Variants in TMCC3 observed in about 807,000 individuals in gnomAD.
TMCC3 encodes the protein transmembrane and coiled-coil domain family 3.
TMCC3 carries 28 observed loss-of-function variants against 40.2 expected under a neutral mutation model. That is an observed-to-expected ratio of 0.70 (90% CI 0.52 to 0.95). TMCC3 has a LOEUF of 0.95. TMCC3 is among the 40% of genes least tolerant of loss of function. The pLI is 0.00. For synonymous variants in TMCC3, 255 were observed against 248.5 expected (o/e 1.03, Z -0.25); for missense variants, 554 against 615.2 (o/e 0.90, Z 1.05).
chr12:94,643,711 T>G (rs1410534823), intron 1 of TMCC3, among the ~76,000 whole-genome samples: 1 of 152,198 alleles, frequency 6.6e-6, no homozygotes, highest in African/African-American at 2.4e-5. Context: ...AGCACACAAT[T>G]AGGGTAAGTG....
At chr12:94,612,098 A>G (rs545392988) in intron 1 of TMCC3, among the ~76,000 whole-genome samples, 3 of 152,096 alleles carry the variant, frequency 2.0e-5, no homozygotes, top group Non-Finnish European at 2.9e-5. Flanking sequence ...TCCTGGGCTC[A>G]ACTGATCCCC....
At chr12:94,590,830 G>A (rs1055564337) in intron 1 of TMCC3, 39 of 514,872 alleles carry the variant, frequency 7.6e-5, no homozygotes, top group East Asian at 2.4e-4. Context: ...CATGGGGGAC[G>A]ATGTGCACCC....
chr12:94,639,254 T>C (rs1368486352), intron 1 of TMCC3, among the ~76,000 whole-genome samples: 1 of 152,194 alleles, frequency 6.6e-6, no homozygotes, highest in East Asian at 1.9e-4. Flanking sequence ...TGGGCTTCTG[T>C]TCATCCCAGT....
intron 1 of TMCC3, among the ~76,000 whole-genome samples, chr12:94,630,784 A>G (rs1359552268): frequency 6.6e-6 from 1 of 152,190 alleles, no homozygotes; most frequent in Admixed American, 6.5e-5. Flanking sequence ...GCTGGAGTGC[A>G]GTGGCACCAA....
chr12:94,582,331 AC>A lies in TMCC3; in HGVS notation c.285del (p.Glu95AspfsTer3), dbSNP rs1353775046. 6.2e-7 allele frequency: 1 copy of A among 1,613,650 alleles called. No homozygotes were observed. Among genetic ancestry groups the A allele is most frequent in the Non-Finnish European group, 8.5e-7 (1 of 1,179,980 alleles). ...TCTGCGTTGTTCACTAGTTTCAGAT[AC>A]TCCGCAACATTCCCATCGCGCGATG... The part of the protein sequence containing the change: ...EQTSRDGNVA[E>X]YLKLVNNADK... On this transcript the variant is annotated frameshift_variant, in exon 2 of 4. Transcript: ENST00000261226. LOFTEE classifies it high-confidence loss of function.
chr12:94,571,288 A>T lies in TMCC3; in HGVS notation c.*147T>A. 1 of 805,302 alleles carries T rather than the reference A, an allele frequency of 1.2e-6. No homozygotes were observed. The highest frequency in any genetic ancestry group is 1.9e-6 in the Non-Finnish European group (1 of 519,222). 49.9% of individuals were successfully genotyped at this position (805,302 alleles called of 1,614,324 possible). On this transcript the variant is annotated 3_prime_UTR_variant, in exon 4 of 4. Transcript: ENST00000261226. Reference sequence around the variant, plus strand: ...CTGAGTTGGCAACTGCTACGGAGTTAAGAGAATTGTAGTTATTTACACCAC... The same window carrying T: ...CTGAGTTGGCAACTGCTACGGAGTTTAGAGAATTGTAGTTATTTACACCAC...
chr12:94,628,147 C>T (rs2068913509), intron 1 of TMCC3, among the ~76,000 whole-genome samples: 1 of 152,210 alleles, frequency 6.6e-6, no homozygotes. Flanking sequence ...AATTCAGTGC[C>T]ATGAAAGGTG....
chr12:94,647,927 T>A (rs917006855), intron 1 of TMCC3, among the ~76,000 whole-genome samples: 1 of 152,250 alleles, frequency 6.6e-6, no homozygotes, highest in Non-Finnish European at 1.5e-5. Context: ...GTTCTACCTA[T>A]TCCTCGCTGT....
intron 1 of TMCC3, among the ~76,000 whole-genome samples, chr12:94,606,800 T>C (rs2068786304): frequency 6.6e-6 from 1 of 152,040 alleles, no homozygotes; most frequent in African/African-American, 2.4e-5. Context: ...ATCACATGCT[T>C]CAAAGGGCAA....
In TMCC3 at chr12:94,582,447, C is replaced by G. The variant is rs758229427; in HGVS notation, c.170G>C (p.Gly57Ala). The stretch of plus-strand genomic sequence containing the variant: ...TTTGACCTTGTGGAAGTCCAGGATG[C>G]CATCCGGGACATCAAAGTTGAGGTT... Reference protein sequence around the residue: ...DTNLNFDVPDGILDFHKVKLT... With the variant: ...DTNLNFDVPDAILDFHKVKLT... Residue 57 changes from glycine (G) to alanine (A), a missense_variant, in exon 2 of 4, where the codon GGC becomes GCC. By Grantham distance (60) the Gly-to-Ala change is moderately conservative (BLOSUM62 0). Transcript: ENST00000261226. 5 of 1,613,808 alleles carry G rather than the reference C, an allele frequency of 3.1e-6. No individual in the cohort carries two copies. In the Admixed American group the frequency reaches 5.0e-5, roughly 16 times the overall value.
chr12:94,620,291 T>A (rs536657721), intron 1 of TMCC3, among the ~76,000 whole-genome samples: 52 of 145,288 alleles, frequency 3.6e-4, no homozygotes, highest in Non-Finnish European at 6.1e-4. Flanking sequence ...TTTTAATAAT[T>A]ATTATTTTTT....
intron 1 of TMCC3, among the ~76,000 whole-genome samples, chr12:94,595,873 A>G (rs1594278218): frequency 6.7e-6 from 1 of 149,244 alleles, no homozygotes; most frequent in Admixed American, 6.7e-5. Context: ...GAAAAAAAAA[A>G]TGTCCATGAA....
At chr12:94,626,550 C>T (rs1228179354) in intron 1 of TMCC3, among the ~76,000 whole-genome samples, 13 of 152,194 alleles carry the variant, frequency 8.5e-5, no homozygotes, top group African/African-American at 3.1e-4. Context: ...AAATATTATA[C>T]CAATATCAAT....
intron 1 of TMCC3, among the ~76,000 whole-genome samples, chr12:94,629,338 G>A (rs1594295150): frequency 1.3e-5 from 2 of 152,170 alleles, no homozygotes; most frequent in African/African-American, 4.8e-5. Flanking sequence ...GTCTCTCAGG[G>A]TGGACTCTGG....
At chr12:94,631,223 C>T (rs1043652329) in intron 1 of TMCC3, among the ~76,000 whole-genome samples, 2 of 152,122 alleles carry the variant, frequency 1.3e-5, no homozygotes, top group South Asian at 4.1e-4. Context: ...GAACCTCTCC[C>T]TAGAAATATG....
intron 1 of TMCC3, among the ~76,000 whole-genome samples, chr12:94,587,231 G>C (rs1433070778): frequency 6.6e-6 from 1 of 152,172 alleles, no homozygotes; most frequent in Non-Finnish European, 1.5e-5. Context: ...ACACTGTGTG[G>C]ATCAGGACAC....
intron 3 of TMCC3, among the ~76,000 whole-genome samples, chr12:94,572,250 G>T (rs1203314157): frequency 6.6e-6 from 1 of 150,730 alleles, no homozygotes; most frequent in Non-Finnish European, 1.5e-5. Context: ...GGCCCACCTC[G>T]GCCTCCCAGA....
At chr12:94,648,143 A>G (rs774109868) in intron 1 of TMCC3, among the ~76,000 whole-genome samples, 12 of 152,346 alleles carry the variant, frequency 7.9e-5, no homozygotes, top group South Asian at 2.1e-4. Flanking sequence ...GTTTTAATAC[A>G]CAGCTTATTT....
At position 94,650,414 on chromosome 12, in the gene TMCC3, G is replaced by T. The variant is rs781287849; in HGVS notation, c.17C>A (p.Thr6Lys). The change falls in exon 1 of 4, where the codon ACG (threonine) becomes AAG (lysine). Residue 6 changes from threonine (T) to lysine (K), a missense_variant. Transcript: ENST00000261226. MPGSD[T>K]ALTVDRTYSY... ...GTAGGTCCGGTCCACGGTGAGCGCCGTGTCGCTGCCCGGCATCTCCGCGCT... is the reference window on the plus strand; with the variant it reads ...GTAGGTCCGGTCCACGGTGAGCGCCTTGTCGCTGCCCGGCATCTCCGCGCT... The T allele has an allele frequency of 3.8e-6, 5 of 1,310,264 alleles. No individual in the cohort carries two copies. Among genetic ancestry groups the T allele is most frequent in the Admixed American group, 6.9e-5 (2 of 29,092 alleles). The allele number at this position is 1,310,264 out of a possible 1,614,324, so 81.2% of individuals were successfully genotyped here.
Sources: gnomAD v4.1 joint callset for allele counts (sites outside exome capture counted in the v4.1 genomes callset) on GRCh38, gnomAD v4.1.1 for gene constraint, MANE v1.5 for transcripts, NCBI Gene and HGNC (gene_info 2026-07-23, HGNC 2026-07-21) for gene names.